The following DACT2 variants were observed in gnomAD, a reference collection of about 807,000 sequenced individuals.
DACT2 encodes the protein dishevelled binding antagonist of beta catenin 2, also known as dapper homolog 2.
In DACT2, 20 loss-of-function variants were observed where a neutral mutation model predicts 22.2. The ratio of observed to expected loss-of-function variants is 0.90; its 90% CI spans 0.63 to 1.31. The LOEUF is 1.31. Among genes scored for constraint, DACT2 ranks in the 50% most tolerant of loss-of-function variants. The pLI is 0.00. For missense variants in DACT2, 1,048 were observed against 1,061.4 expected (o/e 0.99, Z 0.18); for synonymous variants, 463 against 479.8 (o/e 0.96, Z 0.46).
In DACT2 at chr6:168,307,419, C is replaced by A; in HGVS notation, c.*13G>T. The A allele has an allele frequency of 6.4e-7, 1 of 1,551,288 alleles. No individual in the cohort carries two copies. Among genetic ancestry groups the A allele is most frequent in the Non-Finnish European group, 8.7e-7 (1 of 1,146,834 alleles). ...TGTGTGCAGCAGGCTTCTCTTGACG[C>A]AGTCACTGCACCTCACACCATGGTC... On this transcript the variant is annotated 3_prime_UTR_variant, in exon 4 of 4. Coordinates refer to ENST00000366795, the MANE Select transcript of DACT2 (RefSeq NM_214462.5). This position sits in a 1 kb window ranked among gnomAD's most constrained non-coding sequence, Gnocchi z 5.3.
intron 3 of DACT2, among the ~76,000 whole-genome samples, chr6:168,300,847 G>T (rs1008921178): frequency 2.0e-5 from 3 of 152,160 alleles, no homozygotes; most frequent in Middle Eastern, 3.4e-3. Context: ...TTAGCCAGGC[G>T]TGGTGGCAGG....
downstream of DACT2, among the ~76,000 whole-genome samples, chr6:168,303,688 G>C (rs954564684): frequency 1.3e-5 from 2 of 152,146 alleles, no homozygotes; most frequent in African/African-American, 2.4e-5. Context: ...ACCAAGACAG[G>C]CTTTAATTAT....
chr6:168,306,677 T>C (rs56784709), downstream of DACT2, among the ~76,000 whole-genome samples: 32,352 of 151,758 alleles, frequency 0.21, 3,506 homozygotes, highest in African/African-American at 0.24. Context: ...GTCTTGATCT[T>C]CTGACTTTGT....
downstream of DACT2, among the ~76,000 whole-genome samples, chr6:168,305,899 G>A (rs1169360574): frequency 6.6e-6 from 1 of 152,196 alleles, no homozygotes; most frequent in Non-Finnish European, 1.5e-5. Context: ...AGGAAGGGCA[G>A]GTGAAATTGC....
In DACT2 at chr6:168,308,876, T is replaced by A; in HGVS notation, c.881A>T (p.Glu294Val). 1 of 1,550,980 alleles carries A rather than the reference T, an allele frequency of 6.4e-7. No homozygotes were observed. The highest frequency in any genetic ancestry group is 8.7e-7 in the Non-Finnish European group (1 of 1,146,830). The change falls in exon 4 of 4, where the codon GAA becomes GTA. Residue 294 changes from glutamate to valine, a missense_variant. By Grantham distance (121) the Glu-to-Val change is moderately radical. Transcript: ENST00000366795. ...CGAGGGGCCACCTCTCTGTGGGGTT[T>A]CCTTAGTCAGGACAAACAGGGGGCT... ...LQSPLFVLTK[E>V]TPQRGGPSFP...
At chr6:168,294,837 A>G (rs545342780) in intron 3 of DACT2, 215 of 390,368 alleles carry the variant, frequency 5.5e-4, no homozygotes, top group African/African-American at 3.9e-3. Flanking sequence ...CAGTATAAAG[A>G]CAAACAACAG....
chr6:168,301,739 T>A (rs1279898548), intron 3 of DACT2, among the ~76,000 whole-genome samples: 1 of 152,240 alleles, frequency 6.6e-6, no homozygotes, highest in Non-Finnish European at 1.5e-5. Context: ...TGTGAGCATC[T>A]CTGCCTGCCC....
chr6:168,292,950 T>C (rs1390345365), exon 6 of DACT2: 2 of 152,212 alleles, frequency 1.3e-5, no homozygotes, highest in Non-Finnish European at 2.9e-5. Context: ...AGAAATTTCA[T>C]AGGCCAATTT....
At position 168,295,009 on chromosome 6, in the gene DACT2, G is replaced by A. The variant is rs190339580; in HGVS notation, c.659-305C>T. On this transcript the variant is annotated intron_variant, in intron 3 of 5. Coordinates refer to the DACT2 transcript ENST00000366796. ...ACCGAGTCTTGCTTGTGGAACAAGG[G>A]GCTCAGCATCTTCCCTTTGGTGCTG... 2.5e-3 allele frequency among the ~76,000 whole-genome samples: 383 copies of A among 152,282 alleles called. 3 individuals carry two copies. Among genetic ancestry groups the A allele is most frequent in the Non-Finnish European group, 2.2e-3 (148 of 68,010 alleles).
intron 3 of DACT2, chr6:168,298,373 T>A (rs542898233): frequency 6.6e-6 from 1 of 152,356 alleles, no homozygotes; most frequent in East Asian, 1.9e-4. Flanking sequence ...TACTTGCATT[T>A]GTTTTTTGTT....
At chr6:168,294,732 T>A in intron 3 of DACT2, 1 of 1,322,482 alleles carries the variant, frequency 7.6e-7, no homozygotes, top group Non-Finnish European at 1.0e-6. Flanking sequence ...CAAATGTGCG[T>A]GAGAGCTACA....
chr6:168,312,670 T>C (rs1779450966), intron 1 of DACT2, among the ~76,000 whole-genome samples: 1 of 152,212 alleles, frequency 6.6e-6, no homozygotes, highest in African/African-American at 2.4e-5. Flanking sequence ...CAACTACGAT[T>C]AAGGCAAATA....
At chr6:168,313,519 G>A (rs1779473454) in intron 1 of DACT2, among the ~76,000 whole-genome samples, 2 of 152,114 alleles carry the variant, frequency 1.3e-5, no homozygotes, top group African/African-American at 4.8e-5. Flanking sequence ...CGCCAAGCCT[G>A]AGCAGCACAC....
At chr6:168,316,578 G>A (rs75362376) in intron 1 of DACT2, among the ~76,000 whole-genome samples, 2,395 of 6,744 alleles carry the variant, frequency 0.36, 590 homozygotes, top group South Asian at 0.5. Context: ...ACAGCATCTC[G>A]GCAGCACCTC....
Position 168,311,374 on chromosome 6 carries a change from C to T in DACT2, c.247-90G>A, listed in dbSNP as rs1779393849. 5 of 1,409,432 alleles carry T rather than the reference C, an allele frequency of 3.5e-6. 1 individual carries two copies. In the South Asian group the frequency reaches 7.5e-5, roughly 21 times the overall value. 87.3% of individuals were successfully genotyped at this position (1,409,432 alleles called of 1,614,324 possible). ...GGGGTGAAAACATGCATTGTGAATG[C>T]AATTTAAACTCCCAAAGTCCACGCG... On this transcript the variant is annotated intron_variant, in intron 1 of 3. Transcript: ENST00000366795.
downstream of DACT2, among the ~76,000 whole-genome samples, chr6:168,303,562 A>G (rs968312573): frequency 6.6e-6 from 1 of 152,210 alleles, no homozygotes; most frequent in Non-Finnish European, 1.5e-5. Flanking sequence ...TAGAAGCAGC[A>G]TAAAGGCCTT....
intron 5 of DACT2, chr6:168,293,958 C>G (rs1254646048): frequency 8.5e-6 from 6 of 703,282 alleles, no homozygotes; most frequent in Non-Finnish European, 1.6e-5. Flanking sequence ...GTGACGTCCC[C>G]AGGGATGACA....
At chr6:168,298,391 C>T (rs1417305539) in intron 3 of DACT2, 1 of 152,188 alleles carries the variant, frequency 6.6e-6, no homozygotes, top group East Asian at 1.9e-4. Flanking sequence ...GTTTTAAATA[C>T]TTCAAAATTT....
intron 1 of DACT2, among the ~76,000 whole-genome samples, chr6:168,318,120 G>T (rs1779558683): frequency 6.6e-6 from 1 of 151,748 alleles, no homozygotes; most frequent in Non-Finnish European, 1.5e-5. Context: ...GTCTGTGGCT[G>T]TCGTGTGCTG....
Sources: allele counts gnomAD v4.1 joint callset (sites outside exome capture counted in the v4.1 genomes callset), GRCh38; gene constraint gnomAD v4.1.1; non-coding constraint Gnocchi (gnomAD v3.1); transcripts MANE v1.5; gene names NCBI Gene and HGNC (gene_info 2026-07-23, HGNC 2026-07-21).